The following NCKAP5 variants were observed in gnomAD, a reference collection of about 807,000 sequenced individuals.
NCKAP5 encodes nck-associated protein 5.
Under a neutral mutation model 167.0 loss-of-function variants are expected in NCKAP5, and 92 were observed. That is an observed-to-expected ratio of 0.55 (90% CI 0.47 to 0.66). The LOEUF is 0.66. Ranked by LOEUF, NCKAP5 falls within the 30% of genes least tolerant of loss-of-function variation. NCKAP5 has a pLI of 0.00. For synonymous variants in NCKAP5, 891 were observed against 877.4 expected, an observed-to-expected ratio of 1.02 and a Z score of -0.27; for missense variants, 2,378 against 2,315.0, an observed-to-expected ratio of 1.03 and a Z score of -0.56.
intron 3 of NCKAP5, among the ~76,000 whole-genome samples, chr2:133,490,216 T>C (rs769297237): frequency 6.6e-6 from 1 of 152,206 alleles, no homozygotes; most frequent in Non-Finnish European, 1.5e-5. Context: ...GCCCAAGTGT[T>C]GAGCAACCCT....
intron 3 of NCKAP5, among the ~76,000 whole-genome samples, chr2:133,318,295 CT>C (rs1170488129): frequency 6.6e-6 from 1 of 152,194 alleles, no homozygotes; most frequent in African/African-American, 2.4e-5. Flanking sequence ...GCATATACTT[CT>C]CTTTTTTCCA....
At chr2:132,860,291 C>T (rs184285422) in intron 11 of NCKAP5, among the ~76,000 whole-genome samples, 128 of 152,284 alleles carry the variant, frequency 8.4e-4, no homozygotes, top group African/African-American at 2.8e-3. Flanking sequence ...TTTGTTAGTG[C>T]ATTTCCTTAT....
intron 6 of NCKAP5, among the ~76,000 whole-genome samples, chr2:133,121,808 A>T (rs954567842): frequency 4.6e-5 from 7 of 152,336 alleles, no homozygotes; most frequent in South Asian, 2.1e-4. Flanking sequence ...AATCACATTC[A>T]CTCAAAACGG....
At chr2:133,334,162 A>G (rs1683059400) in intron 3 of NCKAP5, among the ~76,000 whole-genome samples, 1 of 152,178 alleles carries the variant, frequency 6.6e-6, no homozygotes, top group African/African-American at 2.4e-5. Context: ...CTGTGACTTA[A>G]TGGTCGTTTG....
At position 132,757,960 on chromosome 2, in the gene NCKAP5, T is replaced by C. The variant is rs368016196; in HGVS notation, c.5128+15856A>G. On this transcript the variant is annotated intron_variant, in intron 16 of 19. Coordinates refer to ENST00000409261, the MANE Select transcript of NCKAP5 (RefSeq NM_207363.3). ...CCCCTGCATTTGCACATGTGACTCA[T>C]GAAGAGGCATGAAGAGACAACTGCA... 2.8e-3 allele frequency among the ~76,000 whole-genome samples: 432 copies of C among 152,306 alleles called. 1 individual carries two copies. The highest frequency in any genetic ancestry group is 0.01 in the African/African-American group (418 of 41,558).
intron 7 of NCKAP5, among the ~76,000 whole-genome samples, chr2:132,975,467 C>T (rs1382843856): frequency 6.6e-6 from 1 of 152,148 alleles, no homozygotes; most frequent in Middle Eastern, 3.2e-3. Flanking sequence ...TCAGATGATG[C>T]TTTTATTGCC....
chr2:132,843,720 A>T (rs1325307540), intron 11 of NCKAP5, among the ~76,000 whole-genome samples: 4 of 151,312 alleles, frequency 2.6e-5, no homozygotes, highest in Admixed American at 2.6e-4. Context: ...ACTTAATTTT[A>T]TTTCTTATAT....
the NCKAP5 span, among the ~76,000 whole-genome samples, chr2:133,631,236 C>T: frequency 6.6e-6 from 1 of 152,148 alleles, no homozygotes; most frequent in South Asian, 2.1e-4. Flanking sequence ...GACCTGAAGA[C>T]TTATTTTAAA....
In NCKAP5 at chr2:132,782,311, C is replaced by T; in HGVS notation, c.4500G>A (p.Gln1500=). The T allele has an allele frequency of 6.2e-7, 1 of 1,614,088 alleles. No homozygotes were observed. Among genetic ancestry groups the T allele is most frequent in the Admixed American group, 1.7e-5 (1 of 60,036 alleles). ...AGCTGGCAAAAGAAGGCCCAGGCTT[C>T]TGCTTTGCTTCCACAGAGGTGGGCT... ...QTKPTSVEAK[Q]KPGPSFASWF... Residue 1500 remains glutamine, a synonymous_variant, in exon 14 of 20, where the codon CAG becomes CAA. Coordinates refer to ENST00000409261, the MANE Select transcript of NCKAP5 (RefSeq NM_207363.3).
intron 5 of NCKAP5, among the ~76,000 whole-genome samples, chr2:133,174,038 G>A (rs1248862563): frequency 1.3e-5 from 2 of 152,118 alleles, no homozygotes; most frequent in Admixed American, 1.3e-4. Context: ...GAATTAAAGT[G>A]TTTATTTGAA....
chr2:133,385,525 C>T (rs1686884282), intron 3 of NCKAP5, among the ~76,000 whole-genome samples: 1 of 152,100 alleles, frequency 6.6e-6, no homozygotes, highest in African/African-American at 2.4e-5. Flanking sequence ...TGTTGTGTCT[C>T]TGCCAGGCCT....
intron 5 of NCKAP5, among the ~76,000 whole-genome samples, chr2:133,161,792 A>G (rs2083804949): frequency 6.6e-6 from 1 of 152,228 alleles, no homozygotes; most frequent in South Asian, 2.1e-4. Context: ...AGGCCTGTCC[A>G]AGGAAGGTTT....
intron 3 of NCKAP5, among the ~76,000 whole-genome samples, chr2:133,311,420 G>A (rs1681223199): frequency 6.6e-6 from 1 of 152,190 alleles, no homozygotes; most frequent in Non-Finnish European, 1.5e-5. Context: ...GAACTTCCAT[G>A]AGTTCAGCTA....
At chr2:132,820,899 C>T (rs377188121) in intron 11 of NCKAP5, among the ~76,000 whole-genome samples, 8 of 152,068 alleles carry the variant, frequency 5.3e-5, no homozygotes, top group African/African-American at 1.7e-4. Flanking sequence ...GCTTATCCTG[C>T]GTGATAAGTG....
chr2:133,214,768 A>G (rs1443372617), intron 4 of NCKAP5, among the ~76,000 whole-genome samples: 1 of 152,224 alleles, frequency 6.6e-6, no homozygotes, highest in Admixed American at 6.5e-5. Context: ...ACTACTATCA[A>G]GATGAGAAAT....
At chr2:133,506,637 T>A (rs1300849246) in intron 3 of NCKAP5, among the ~76,000 whole-genome samples, 1 of 152,190 alleles carries the variant, frequency 6.6e-6, no homozygotes, top group Non-Finnish European at 1.5e-5. Flanking sequence ...TCACTCCTTA[T>A]AGCCACATGG....
rs1451813128 is a variant in NCKAP5 at position 133,303,106 on chromosome 2, T to A, written c.74A>T (p.Tyr25Phe). ...RLSLDSSLVEYMDSNKYIEHL... is the reference protein window; with the variant it reads ...RLSLDSSLVEFMDSNKYIEHL... ...CTCAATGTATTTATTGGAGTCCATGTATTCCTGCACAAGCAGACAAAGACA... is the reference window on the plus strand; with the variant it reads ...CTCAATGTATTTATTGGAGTCCATGAATTCCTGCACAAGCAGACAAAGACA... The change falls in exon 4 of 20, where the codon TAC becomes TTC. Residue 25 changes from tyrosine to phenylalanine, a missense_variant. Transcript: ENST00000409261. 2 of 1,583,068 alleles carry A rather than the reference T, an allele frequency of 1.3e-6. No individual in the cohort carries two copies. The highest frequency in any genetic ancestry group is 8.6e-7 in the Non-Finnish European group (1 of 1,163,354).
intron 10 of NCKAP5, among the ~76,000 whole-genome samples, chr2:132,866,254 C>T (rs994611810): frequency 6.6e-6 from 1 of 152,118 alleles, no homozygotes; most frequent in African/African-American, 2.4e-5. Context: ...AAAAAACAAA[C>T]CCAAAACACT....
At chr2:133,291,517 G>T (rs1679599010) in intron 4 of NCKAP5, among the ~76,000 whole-genome samples, 1 of 152,234 alleles carries the variant, frequency 6.6e-6, no homozygotes, top group Non-Finnish European at 1.5e-5. Flanking sequence ...TGTGATTCAT[G>T]TGGTAGCACC....
Sources: gnomAD v4.1 joint callset for allele counts (sites outside exome capture counted in the v4.1 genomes callset) on GRCh38, gnomAD v4.1.1 for gene constraint, MANE v1.5 for transcripts, NCBI Gene and HGNC (gene_info 2026-07-23, HGNC 2026-07-21) for gene names.